The following NSUN2 variants were observed in gnomAD, a reference collection of about 807,000 sequenced individuals.
The protein encoded by NSUN2 is RNA cytosine C(5)-methyltransferase NSUN2.
Under a neutral mutation model 92.7 loss-of-function variants are expected in NSUN2, and 63 were observed. The observed-to-expected ratio is 0.68, with a 90% confidence interval of 0.56 to 0.84. The LOEUF is 0.84. Among genes scored for constraint, NSUN2 ranks in the 40% least tolerant of loss-of-function variants. The probability of loss-of-function intolerance (pLI) is 0.00; values close to 1 mark genes in which losing one functional copy is unlikely to be tolerated. For missense variants in NSUN2, 989 were observed against 964.9 expected (o/e 1.02, Z -0.33); for synonymous variants, 356 against 348.3 (o/e 1.02, Z -0.25).
intron 17 of NSUN2, among the ~76,000 whole-genome samples, chr5:6,602,949 C>G (rs1261612636): frequency 1.3e-5 from 2 of 152,222 alleles, no homozygotes; most frequent in Non-Finnish European, 2.9e-5. Context: ...TTATCCTTTA[C>G]AAGAATCTCT....
rs746443018 is a variant in NSUN2 at position 6,609,937 on chromosome 5, A to G, written c.1227-15T>C. The G allele has an allele frequency of 2.0e-6, 3 of 1,532,838 alleles. No homozygotes were observed. The highest frequency in any genetic ancestry group is 2.7e-6 in the Non-Finnish European group (3 of 1,112,054). The allele number at this position is 1,532,838 out of a possible 1,614,324, so 95.0% of individuals were successfully genotyped here. A position where few individuals can be genotyped will look rare whatever the true frequency, so the allele number is the denominator to read the frequency against. On this transcript the variant is annotated splice_polypyrimidine_tract_variant and intron_variant, in intron 11 of 18. Coordinates refer to ENST00000264670, the MANE Select transcript of NSUN2 (RefSeq NM_017755.6). Reference sequence around the variant, plus strand: ...ATATCCTAAGGCTAAATATATATATATAATTCACACCTCTGAACTAATCAA... The same window carrying G: ...ATATCCTAAGGCTAAATATATATATGTAATTCACACCTCTGAACTAATCAA...
At chr5:6,600,659 G>C (rs1736515588) in intron 18 of NSUN2, among the ~76,000 whole-genome samples, 2 of 152,090 alleles carry the variant, frequency 1.3e-5, no homozygotes, top group African/African-American at 4.8e-5. Flanking sequence ...GAGGCTGGGA[G>C]ACTCTGCCCT....
intron 15 of NSUN2, 193 bp downstream of exon 15, chr5:6,605,080 G>T: frequency 1.4e-6 from 1 of 739,624 alleles, no homozygotes; most frequent in Non-Finnish European, 2.2e-6. Context: ...CCAGATTCAG[G>T]ACTCTGGCAG....
At chr5:6,628,246 G>A (rs554476623) in intron 3 of NSUN2, among the ~76,000 whole-genome samples, 2 of 152,294 alleles carry the variant, frequency 1.3e-5, no homozygotes, top group South Asian at 2.1e-4. Context: ...TACCTGGGAC[G>A]CTGAGGTGGG....
chr5:6,608,296 C>T (rs1341959817), intron 12 of NSUN2, among the ~76,000 whole-genome samples: 1 of 152,266 alleles, frequency 6.6e-6, no homozygotes, highest in Non-Finnish European at 1.5e-5. Context: ...GCTCCAAGGG[C>T]ATGTTCTCCC....
chr5:6,624,009 A>G (rs948783629), intron 4 of NSUN2, among the ~76,000 whole-genome samples: 6 of 152,110 alleles, frequency 3.9e-5, no homozygotes, highest in African/African-American at 1.4e-4. Flanking sequence ...AACCCTACAA[A>G]AGCTGGGACT....
chr5:6,624,511 C>G (rs1263494770), intron 4 of NSUN2, among the ~76,000 whole-genome samples: 1 of 152,172 alleles, frequency 6.6e-6, no homozygotes, highest in Non-Finnish European at 1.5e-5. Flanking sequence ...TGTATCACAC[C>G]CCACAAACCC....
chr5:6,612,064 G>GT (rs1737016282), intron 9 of NSUN2, among the ~76,000 whole-genome samples: 1 of 152,150 alleles, frequency 6.6e-6, no homozygotes, highest in Non-Finnish European at 1.5e-5. Flanking sequence ...CTGGACTGTG[G>GT]TAAGGCGCTG....
intron 7 of NSUN2, 76 bp downstream of exon 7, chr5:6,620,030 G>T: frequency 8.0e-7 from 1 of 1,252,272 alleles, no homozygotes; most frequent in Non-Finnish European, 1.1e-6. Flanking sequence ...TCATATTCAT[G>T]CACAACTTCA....
rs758329328 is a variant in NSUN2 at position 6,631,616 on chromosome 5, G to C, written c.359+257C>G. On this transcript the variant is annotated intron_variant, in intron 3 of 18. Coordinates refer to ENST00000264670, the MANE Select transcript of NSUN2 (RefSeq NM_017755.6). Reference sequence around the variant, plus strand: ...CTGTAAAAGGGAGCTGGCGGAAGTGGTGACATAAAGGAAGAGGCTGGATGT... The same window carrying C: ...CTGTAAAAGGGAGCTGGCGGAAGTGCTGACATAAAGGAAGAGGCTGGATGT... Among the ~76,000 whole-genome samples, 4 of 152,232 alleles carry C rather than the reference G, an allele frequency of 2.6e-5. No homozygotes were observed. Among genetic ancestry groups the C allele is most frequent in the Non-Finnish European group, 5.9e-5 (4 of 68,050 alleles).
In NSUN2 at chr5:6,611,853, A is replaced by G. The variant is rs375462624; in HGVS notation, c.1022-55T>C. ...TTTTTCAAAAAAGTATTAACACACT[A>G]TGCTCAGTGAAAAAAACCAGACACA... On this transcript the variant is annotated intron_variant, in intron 9 of 18. Transcript: ENST00000264670. The G allele has an allele frequency of 1.2e-3, 1,788 of 1,431,902 alleles. 3 individuals carry two copies. Among genetic ancestry groups the G allele is most frequent in the Non-Finnish European group, 1.6e-3 (1,667 of 1,019,052 alleles). The allele number at this position is 1,431,902 out of a possible 1,614,324, so 88.7% of individuals were successfully genotyped here. A position where few individuals can be genotyped will look rare whatever the true frequency, so the allele number is the denominator to read the frequency against.
intron 2 of NSUN2, among the ~76,000 whole-genome samples, 169 bp downstream of exon 2, chr5:6,632,430 G>A (rs556704224): frequency 6.6e-5 from 10 of 152,100 alleles, no homozygotes; most frequent in African/African-American, 2.2e-4. Context: ...CAATACCTCC[G>A]TGACCATTTC....
chr5:6,611,743 A>G lies in NSUN2; in HGVS notation c.1077T>C (p.Pro359=). ...SNELPGLKWM[P]GITQWKVMTK... is the part of the protein sequence containing the mutation. Reference sequence around the variant, plus strand: ...AGGTTACCTTCCACTGTGTGATTCCAGGCATCCACTTCAGCCCTGGCAGTT... The same window carrying G: ...AGGTTACCTTCCACTGTGTGATTCCGGGCATCCACTTCAGCCCTGGCAGTT... The change falls in exon 10 of 19, where the codon CCT becomes CCC. Residue 359 remains proline (P), a synonymous_variant. Transcript: ENST00000264670. 6.2e-7 allele frequency: 1 copy of G among 1,614,162 alleles called. No individual in the cohort carries two copies. Among genetic ancestry groups the G allele is most frequent in the Non-Finnish European group, 8.5e-7 (1 of 1,180,006 alleles).
chr5:6,611,861 T>A, intron 9 of NSUN2, 63 bp from the exon 10 acceptor site: 1 of 1,388,982 alleles, frequency 7.2e-7, no homozygotes. Flanking sequence ...CTATGCTCAG[T>A]GAAAAAAACC....
At chr5:6,609,761 G>A (rs968288793) in intron 12 of NSUN2, 65 bp downstream of exon 12, 49 of 1,282,258 alleles carry the variant, frequency 3.8e-5, no homozygotes, top group African/African-American at 1.0e-4. Flanking sequence ...ACTAAACTCC[G>A]GTTAGTTTTT....
intron 9 of NSUN2, among the ~76,000 whole-genome samples, chr5:6,613,862 C>T (rs1737098632): frequency 6.6e-6 from 1 of 151,934 alleles, no homozygotes; most frequent in African/African-American, 2.4e-5. Context: ...TTTGGGAGGC[C>T]GAGGTGGGAA....
Position 6,600,014 on chromosome 5 carries a change from C to T in NSUN2, c.2216G>A (p.Gly739Glu), listed in dbSNP as rs1736480901. The part of the protein sequence containing the change: ...DNDVTEGQRA[G>E]EPNSPDAEEA... ...TTCTGCATCTGGGCTGTTGGGCTCTCCTGCTCTCTGTCCCTCAGTCACGTC... is the reference window on the plus strand; with the variant it reads ...TTCTGCATCTGGGCTGTTGGGCTCTTCTGCTCTCTGTCCCTCAGTCACGTC... Residue 739 changes from glycine (G) to glutamate (E), a missense_variant, in exon 19 of 19, where the codon GGA becomes GAA. By Grantham distance (98) the Gly-to-Glu change is moderately conservative. Around this residue, in one of 3 missense-constraint regions of NSUN2, gnomAD observed 626 missense variants for 602.3 expected, o/e 1.04. Transcript: ENST00000264670. The T allele has an allele frequency of 2.6e-5, 42 of 1,614,120 alleles. No individual in the cohort carries two copies. The highest frequency in any genetic ancestry group is 3.5e-5 in the Non-Finnish European group (41 of 1,180,038).
At chr5:6,604,334 C>G (rs1736673697) in intron 16 of NSUN2, 58 bp from the exon 17 acceptor site, 4 of 1,455,620 alleles carry the variant, frequency 2.7e-6, no homozygotes, top group Non-Finnish European at 3.8e-6. Context: ...TGAACGACAA[C>G]AGCCTGCTCT....
Position 6,615,112 on chromosome 5 carries a change from C to T in NSUN2, c.1021+1615G>A, listed in dbSNP as rs1019211996. 3.3e-5 allele frequency among the ~76,000 whole-genome samples: 5 copies of T among 152,104 alleles called. No individual in the cohort carries two copies. The East Asian group carries it at 5.8e-4, about 18-fold the overall frequency. The stretch of plus-strand genomic sequence containing the variant: ...ACCCCAAGTCAAGAAAGCTGCTCAC[C>T]GAGAAACCGGGGGAAGCTGTCTTTA... On this transcript the variant is annotated intron_variant, in intron 9 of 18. Coordinates refer to ENST00000264670, the MANE Select transcript of NSUN2 (RefSeq NM_017755.6).
Sources: gnomAD v4.1 joint callset for allele counts (sites outside exome capture counted in the v4.1 genomes callset) on GRCh38, gnomAD v4.1.1 for gene constraint, gnomAD v4.1.1 regional missense constraint, MANE v1.5 for transcripts, NCBI Gene and HGNC (gene_info 2026-07-23, HGNC 2026-07-21) for gene names.